The following MAST3 variants were observed in gnomAD, a reference collection of about 807,000 sequenced individuals.
MAST3 encodes microtubule-associated serine/threonine-protein kinase 3.
A neutral mutation model predicts 127.0 loss-of-function variants in MAST3; 43 were observed. The observed-to-expected ratio is 0.34, with a 90% CI of 0.27 to 0.44. The LOEUF is 0.44. Among genes scored for constraint, MAST3 ranks in the 20% least tolerant of loss-of-function variants. The pLI, the probability that MAST3 is intolerant of heterozygous loss-of-function variation, is 1.00. For synonymous variants in MAST3, 785 were observed against 809.2 expected (o/e 0.97, Z 0.51); for missense variants, 1,390 against 1,919.1 (o/e 0.72, Z 5.15).
At position 18,110,777 on chromosome 19, in the gene MAST3, C is replaced by T. The variant is rs999923729; in HGVS notation, c.161+36C>T. The T allele has an allele frequency of 4.2e-6, 4 of 945,090 alleles. No homozygotes were observed. The highest frequency in any genetic ancestry group is 5.0e-6 in the Non-Finnish European group (4 of 792,836). The allele number at this position is 945,090 out of a possible 1,614,324, so 58.5% of individuals were successfully genotyped here. A position where few individuals can be genotyped will look rare whatever the true frequency, so the allele number is the denominator to read the frequency against. ...GCGCGTGTGGGCGGGGCGCAGACAT[C>T]GCCCTGGCACCCCAGAGCCTTGGAA... On this transcript the variant is annotated intron_variant, in intron 3 of 27. Coordinates refer to ENST00000687212, the MANE Select transcript of MAST3 (RefSeq NM_001393504.1). The surrounding 1 kb of genome is among the most constrained non-coding windows in gnomAD (Gnocchi z 4.3).
At position 18,112,767 on chromosome 19, in the gene MAST3, C is replaced by T. The variant is rs1023760780; in HGVS notation, c.161+2026C>T. 1.3e-5 allele frequency among the ~76,000 whole-genome samples: 2 copies of T among 152,074 alleles called. No individual in the cohort carries two copies. Among genetic ancestry groups the T allele is most frequent in the South Asian group, 2.1e-4 (1 of 4,820 alleles). On this transcript the variant is annotated intron_variant, in intron 3 of 27. Transcript: ENST00000687212. This position sits in a 1 kb window ranked among gnomAD's most constrained non-coding sequence, Gnocchi z 4.1. Reference sequence around the variant, plus strand: ...ATTATAGGCGTGAGCCACTGCACCCCGCCTGAGATTTTTTTTAAGCCTCTG... The same window carrying T: ...ATTATAGGCGTGAGCCACTGCACCCTGCCTGAGATTTTTTTTAAGCCTCTG...
intron 14 of MAST3, among the ~76,000 whole-genome samples, 196 bp from the exon 15 acceptor site, chr19:18,131,713 T>C (rs1245691635): frequency 6.6e-6 from 1 of 151,736 alleles, no homozygotes; most frequent in Non-Finnish European, 1.5e-5. Context: ...GAAGAAAAAA[T>C]TAAAAAATTA....
In MAST3 at chr19:18,123,979, C is replaced by T. The variant is rs56022120; in HGVS notation, c.674C>T (p.Thr225Met). The T allele has an allele frequency of 0.015, 24,124 of 1,584,122 alleles. 495 individuals carry two copies. Among genetic ancestry groups the T allele is most frequent in the Admixed American group, 0.086 (4,856 of 56,418 alleles). ...GAGGGCCGTCTGCAGGAGTTCCTGA[C>T]GGCCTACGCGCCCGGCGCCCGGCTG... ...QMEGRLQEFL[T>M]AYAPGARLAL... Residue 225 changes from threonine to methionine, a missense_variant, in exon 9 of 28, where the codon ACG becomes ATG. This residue lies in a region of MAST3 where 277 missense variants were observed against 384.8 expected (regional missense o/e 0.72). Transcript: ENST00000687212.
intron 12 of MAST3, 122 bp from the exon 13 acceptor site, chr19:18,128,744 A>G: frequency 2.6e-6 from 2 of 765,922 alleles, no homozygotes; most frequent in Non-Finnish European, 4.4e-6. Context: ...GCTGAGTTGG[A>G]GAAGTTTGGA....
At chr19:18,113,979 G>C (rs2146999299) in intron 3 of MAST3, among the ~76,000 whole-genome samples, 1 of 152,300 alleles carries the variant, frequency 6.6e-6, no homozygotes, top group South Asian at 2.1e-4. Context: ...CCAGAATGCA[G>C]GCTGGTCCAG....
chr19:18,107,521 A>G, intron 1 of MAST3, 66 bp from the exon 2 acceptor site: 1 of 1,513,206 alleles, frequency 6.6e-7, no homozygotes, highest in Non-Finnish European at 9.2e-7. Flanking sequence ...GTGGGGGTGC[A>G]TCAACGGCCA....
At chr19:18,102,116 G>T (rs1295509993) in intron 1 of MAST3, among the ~76,000 whole-genome samples, 1 of 151,732 alleles carries the variant, frequency 6.6e-6, no homozygotes. Context: ...TGCTGACTTC[G>T]TGATCCTCCC....
At chr19:18,101,215 C>T (rs564527528) in intron 1 of MAST3, among the ~76,000 whole-genome samples, 1 of 152,296 alleles carries the variant, frequency 6.6e-6, no homozygotes, top group South Asian at 2.1e-4. Context: ...ACAGAGCATC[C>T]CCCGGCAGAG....
chr19:18,100,610 A>T (rs2037514621), intron 1 of MAST3, among the ~76,000 whole-genome samples: 1 of 152,232 alleles, frequency 6.6e-6, no homozygotes, highest in Admixed American at 6.5e-5. Context: ...TTCTCCCAAC[A>T]GCCCGAGTGG....
Position 18,145,852 on chromosome 19 carries a change from A to G in MAST3, c.3149A>G (p.Glu1050Gly). 6.3e-7 allele frequency: 1 copy of G among 1,595,970 alleles called. No homozygotes were observed. The highest frequency in any genetic ancestry group is 1.1e-5 in the South Asian group (1 of 88,580). ...VLGLVHMDVV[E>G]LLLKSGNKIS... Reference sequence around the variant, plus strand: ...GGGCTGGTGCACATGGACGTCGTGGAGCTGCTGCTGAAGGTGCGGCACCCC... The same window carrying G: ...GGGCTGGTGCACATGGACGTCGTGGGGCTGCTGCTGAAGGTGCGGCACCCC... Residue 1050 changes from glutamate (E) to glycine (G), a missense_variant, in exon 25 of 28, where the codon GAG (glutamate) becomes GGG (glycine). Glu to Gly is a moderately conservative substitution (Grantham distance 98). This residue lies in a region of MAST3 where 816 missense variants were observed against 934.1 expected (regional missense o/e 0.87). Transcript: ENST00000687212. This position sits in a 1 kb window ranked among gnomAD's most constrained non-coding sequence, Gnocchi z 5.9.
chr19:18,149,396 C>T lies in MAST3; in HGVS notation c.3714C>T (p.Arg1238=), dbSNP rs2043357816. The T allele has an allele frequency of 6.9e-7, 1 of 1,454,134 alleles. No individual in the cohort carries two copies. The allele number at this position is 1,454,134 out of a possible 1,614,324, so 90.1% of individuals were successfully genotyped here. ...CGCCCATCTCCGCGCCCCCACCCCG[C>T]TCGCCCTCGCCCCTGCCCGGGCACC... is the stretch of plus-strand genomic sequence containing the variant. ...ACPPISAPPP[R]SPSPLPGHPP... is the part of the protein sequence containing the mutation. The change falls in exon 28 of 28, where the codon CGC becomes CGT. Residue 1238 remains arginine, a synonymous_variant. Transcript: ENST00000687212. The surrounding 1 kb of genome is among the most constrained non-coding windows in gnomAD (Gnocchi z 5.9).
At chr19:18,142,538 G>A (rs2042607279) in intron 21 of MAST3, among the ~76,000 whole-genome samples, 1 of 151,402 alleles carries the variant, frequency 6.6e-6, no homozygotes, top group Admixed American at 6.6e-5. Flanking sequence ...TTTTAGTAGA[G>A]ACGGGGTTTT....
rs2040953939 is a variant in MAST3 at position 18,128,859 on chromosome 19, C to A, written c.1138-7C>A. 3 of 1,612,060 alleles carry A rather than the reference C, an allele frequency of 1.9e-6. No homozygotes were observed. Among genetic ancestry groups the A allele is most frequent in the Non-Finnish European group, 2.5e-6 (3 of 1,179,212 alleles). Reference sequence around the variant, plus strand: ...GGGCAGGACCCTAAGCCCTTCCCATCCCCTAGAGCCGCGCCCTGGTCGGCC... The same window carrying A: ...GGGCAGGACCCTAAGCCCTTCCCATACCCTAGAGCCGCGCCCTGGTCGGCC... On this transcript the variant is annotated splice_polypyrimidine_tract_variant and splice_region_variant and intron_variant, in intron 12 of 27. Transcript: ENST00000687212.
chr19:18,111,810 T>C (rs1448030661), intron 3 of MAST3, among the ~76,000 whole-genome samples: 1 of 152,062 alleles, frequency 6.6e-6, no homozygotes, highest in African/African-American at 2.4e-5. Context: ...AGCCACACGC[T>C]GGGCCATCCA....
intron 3 of MAST3, among the ~76,000 whole-genome samples, chr19:18,115,816 C>T (rs1237476990): frequency 2.0e-5 from 3 of 152,246 alleles, no homozygotes; most frequent in African/African-American, 4.8e-5. Context: ...CTCAAGCACC[C>T]TCCATGGCTC....
intron 14 of MAST3, among the ~76,000 whole-genome samples, chr19:18,131,017 G>C (rs940894891): frequency 2.6e-5 from 4 of 152,248 alleles, no homozygotes; most frequent in Non-Finnish European, 5.9e-5. Context: ...GTTCAGGCAG[G>C]TAAAGTACTA....
At position 18,103,599 on chromosome 19, in the gene MAST3, G is replaced by T. The variant is rs572449119; in HGVS notation, c.40-3988G>T. On this transcript the variant is annotated intron_variant, in intron 1 of 27. Transcript: ENST00000687212. ...GTCTTTTGGAAGCAACTTTCAACTG[G>T]TGGTTATTATTCACGTCTTGATCAT... Among the ~76,000 whole-genome samples the T allele has an allele frequency of 1.2e-4, 18 of 152,194 alleles. No homozygotes were observed. The South Asian group carries it at 3.5e-3, about 30-fold the overall frequency.
chr19:18,143,739 G>GATGC, intron 21 of MAST3, 24 bp from the exon 22 acceptor site: 1 of 1,612,344 alleles, frequency 6.2e-7, no homozygotes, highest in Non-Finnish European at 8.5e-7. Context: ...TGGCAGGGGT[G>GATGC]ATGCAGGCTC....
At position 18,112,454 on chromosome 19, in the gene MAST3, C is replaced by T. The variant is rs1394604512; in HGVS notation, c.161+1713C>T. On this transcript the variant is annotated intron_variant, in intron 3 of 27. Transcript: ENST00000687212. The surrounding 1 kb of genome is among the most constrained non-coding windows in gnomAD (Gnocchi z 4.1). ...GGTTCAGGTGATTCTCCTGCCTCAG[C>T]CTCCCAAGTAGCTGGGATTACAGGC... 6.6e-6 allele frequency among the ~76,000 whole-genome samples: 1 copy of T among 152,176 alleles called. No homozygotes were observed. The highest frequency in any genetic ancestry group is 1.5e-5 in the Non-Finnish European group (1 of 68,032).
Sources: allele counts gnomAD v4.1 joint callset (sites outside exome capture counted in the v4.1 genomes callset), GRCh38; gene constraint gnomAD v4.1.1; regional missense constraint gnomAD v4.1.1; non-coding constraint Gnocchi (gnomAD v3.1); transcripts MANE v1.5; gene names NCBI Gene and HGNC (gene_info 2026-07-23, HGNC 2026-07-21).